Variants in RBBP4 observed in about 807,000 individuals in gnomAD.
The protein encoded by RBBP4 is histone-binding protein RBBP4.
A neutral mutation model predicts 57.2 loss-of-function variants in RBBP4; 3 were observed. The observed-to-expected ratio is 0.05, with a 90% CI of 0.02 to 0.14. The LOEUF (loss-of-function observed/expected upper bound fraction) is 0.14, where lower values mean the gene tolerates loss of function less well. RBBP4 is among the 10% of genes least tolerant of loss of function. The probability of loss-of-function intolerance (pLI) is 1.00; values close to 1 mark genes in which losing one functional copy is unlikely to be tolerated. For synonymous variants in RBBP4, 151 were observed against 171.5 expected (o/e 0.88, Z 0.93); for missense variants, 107 against 520.6 (o/e 0.21, Z 7.73).
intron 8 of RBBP4, among the ~76,000 whole-genome samples, chr1:32,670,814 C>G (rs183629065): frequency 6.6e-6 from 1 of 152,276 alleles, no homozygotes; most frequent in African/African-American, 2.4e-5. Context: ...TGTTATGAAC[C>G]TGAGGGTGGT....
At chr1:32,654,526 C>T (rs1648049327) in intron 2 of RBBP4, among the ~76,000 whole-genome samples, 3 of 152,128 alleles carry the variant, frequency 2.0e-5, no homozygotes. Flanking sequence ...ATTCTAGAAC[C>T]CCTACTTTTC....
At chr1:32,664,084 G>A (rs919923689) in intron 3 of RBBP4, among the ~76,000 whole-genome samples, 5 of 151,778 alleles carry the variant, frequency 3.3e-5, no homozygotes, top group Non-Finnish European at 7.4e-5. Flanking sequence ...CCGCCACCAC[G>A]CCCGGCTAAT....
At chr1:32,676,492 C>T (rs1649105785) in intron 11 of RBBP4, among the ~76,000 whole-genome samples, 1 of 151,994 alleles carries the variant, frequency 6.6e-6, no homozygotes, top group Non-Finnish European at 1.5e-5. Flanking sequence ...CGCCTGTAAT[C>T]CCAGCTACTT....
At chr1:32,677,480 A>AAAG (rs1553196767) in intron 11 of RBBP4, among the ~76,000 whole-genome samples, 1 of 121,736 alleles carries the variant, frequency 8.2e-6, no homozygotes, top group Admixed American at 9.9e-5. Context: ...TAAAAAAAAA[A>AAAG]ACAAAACAAA....
At position 32,684,283 on chromosome 1, in the gene RBBP4, G is replaced by T; in HGVS notation, c.*4578G>T. The T allele has an allele frequency of 6.2e-7, 1 of 1,614,208 alleles. No individual in the cohort carries two copies. The highest frequency in any genetic ancestry group is 8.5e-7 in the Non-Finnish European group (1 of 1,180,040). ...TTATAAGTAGAGAGCTCTTCAGCAA[G>T]ACTGAGCCTTAGCTGTTCCATCTCT... is the stretch of plus-strand genomic sequence containing the variant. On this transcript the variant is annotated 3_prime_UTR_variant, in exon 12 of 12. Coordinates refer to ENST00000373493, the MANE Select transcript of RBBP4 (RefSeq NM_005610.3).
At chr1:32,677,554 T>G (rs1212792690) in intron 11 of RBBP4, among the ~76,000 whole-genome samples, 2 of 151,998 alleles carry the variant, frequency 1.3e-5, no homozygotes, top group Non-Finnish European at 2.9e-5. Flanking sequence ...TCCATCAAAT[T>G]ATCAGACCTG....
At chr1:32,653,973 C>T (rs1648026926) in intron 2 of RBBP4, among the ~76,000 whole-genome samples, 1 of 152,010 alleles carries the variant, frequency 6.6e-6, no homozygotes, top group Non-Finnish European at 1.5e-5. Context: ...GCTTCTTTAT[C>T]ATGACCAGGA....
rs769306288 is a variant in RBBP4 at position 32,669,106 on chromosome 1, A to G, written c.735A>G (p.Ser245=). ...TACTCCATGAGTCTCTGTTTGGGTC[A>G]GTTGCTGATGATCAGAAACTTATGA... is the stretch of plus-strand genomic sequence containing the variant. The part of the protein sequence containing the change: ...WHLLHESLFG[S]VADDQKLMIW... The change falls in exon 6 of 12, where the codon TCA becomes TCG. Residue 245 remains serine, a synonymous_variant. Transcript: ENST00000373493. The surrounding 1 kb of genome is among the most constrained non-coding windows in gnomAD (Gnocchi z 4.9). The G allele has an allele frequency of 5.0e-6, 8 of 1,614,092 alleles. No homozygotes were observed. The highest frequency in any genetic ancestry group is 1.7e-5 in the Admixed American group (1 of 59,994).
Position 32,684,222 on chromosome 1 carries a change from G to A in RBBP4, c.*4517G>A. 1 of 1,613,582 alleles carries A rather than the reference G, an allele frequency of 6.2e-7. No homozygotes were observed. The highest frequency in any genetic ancestry group is 1.1e-5 in the South Asian group (1 of 91,066). ...AGCCCTCCCACCATCCCCTCAGCCA[G>A]TATTAGATGAGATTTGTATAGCAGC... is the stretch of plus-strand genomic sequence containing the variant. On this transcript the variant is annotated 3_prime_UTR_variant, in exon 12 of 12. Transcript: ENST00000373493.
At position 32,657,702 on chromosome 1, in the gene RBBP4, G is replaced by A. The variant is rs1446400507; in HGVS notation, c.310+130G>A. On this transcript the variant is annotated intron_variant, in intron 3 of 11. Transcript: ENST00000373493. ...GGAAAGCCTGAGTTTGCAATGGTAG[G>A]TATTTATATTTATATTAGAGTTTTA... is the stretch of plus-strand genomic sequence containing the variant. 1.1e-5 allele frequency: 11 copies of A among 1,032,724 alleles called. No individual in the cohort carries two copies. In the South Asian group the frequency reaches 1.6e-4, roughly 15 times the overall value. 64.0% of individuals were successfully genotyped at this position (1,032,724 alleles called of 1,614,324 possible). A position where few individuals can be genotyped will look rare whatever the true frequency, so the allele number is the denominator to read the frequency against.
In RBBP4 at chr1:32,669,194, T is replaced by G; in HGVS notation, c.762-37T>G. The G allele has an allele frequency of 1.9e-6, 3 of 1,610,492 alleles. No individual in the cohort carries two copies. The highest frequency in any genetic ancestry group is 2.7e-5 in the African/African-American group (2 of 74,680). On this transcript the variant is annotated intron_variant, in intron 6 of 11. Transcript: ENST00000373493. The surrounding 1 kb of genome is among the most constrained non-coding windows in gnomAD (Gnocchi z 4.9). The stretch of plus-strand genomic sequence containing the variant: ...TCTAAGTTTTATGTTTAGTCACCAT[T>G]TCAAGGTTTTTTTCCTTTGTTTTTT...
chr1:32,657,103 C>T (rs1391121415), intron 2 of RBBP4, among the ~76,000 whole-genome samples: 6 of 152,030 alleles, frequency 3.9e-5, no homozygotes, highest in Non-Finnish European at 8.8e-5. Context: ...TGGTGAAATC[C>T]CGTCTCTACT....
In RBBP4 at chr1:32,681,960, A is replaced by G; in HGVS notation, c.*2255A>G. The G allele has an allele frequency of 9.2e-7, 1 of 1,088,452 alleles. No homozygotes were observed. Among genetic ancestry groups the G allele is most frequent in the Middle Eastern group, 2.3e-4 (1 of 4,272 alleles). The allele number at this position is 1,088,452 out of a possible 1,614,324, so 67.4% of individuals were successfully genotyped here. A position where few individuals can be genotyped will look rare whatever the true frequency, so the allele number is the denominator to read the frequency against. On this transcript the variant is annotated 3_prime_UTR_variant, in exon 12 of 12. Coordinates refer to ENST00000373493, the MANE Select transcript of RBBP4 (RefSeq NM_005610.3). ...ATTGTTACAGTGTGATTTATGGATG[A>G]TCAGGGATGACTTTCCCCTAGCAAA...
rs1296011877 is a variant in RBBP4, at chr1:32,681,272, T to A, written c.*1567T>A. 1 of 152,682 alleles carries A rather than the reference T, an allele frequency of 6.5e-6. No homozygotes were observed. The highest frequency in any genetic ancestry group is 1.9e-4 in the East Asian group (1 of 5,216). 9.5% of individuals were successfully genotyped at this position (152,682 alleles called of 1,614,324 possible). On this transcript the variant is annotated 3_prime_UTR_variant, in exon 12 of 12. Transcript: ENST00000373493. ...TGGTTTCTTTTCAAGTCTAGTTGTT[T>A]TAGAGTATAGTGAGAAATACCTTGA...
chr1:32,656,417 G>A (rs970749099), intron 2 of RBBP4, among the ~76,000 whole-genome samples: 2 of 151,844 alleles, frequency 1.3e-5, no homozygotes, highest in African/African-American at 2.4e-5. Context: ...CAGTGGCACC[G>A]TCTTGGCTCA....
rs1410650855 is a variant in RBBP4 at position 32,682,011 on chromosome 1, A to G, written c.*2306A>G. 3.0e-6 allele frequency: 2 copies of G among 665,188 alleles called. No homozygotes were observed. The highest frequency in any genetic ancestry group is 2.5e-5 in the Admixed American group (1 of 39,624). 41.2% of individuals were successfully genotyped at this position (665,188 alleles called of 1,614,324 possible). Reference sequence around the variant, plus strand: ...TATTTGGATGCCTCCTGTTTGTCAAATAGAATGAATGGTGATGGTGATGGG... The same window carrying G: ...TATTTGGATGCCTCCTGTTTGTCAAGTAGAATGAATGGTGATGGTGATGGG... On this transcript the variant is annotated 3_prime_UTR_variant, in exon 12 of 12. Transcript: ENST00000373493.
intron 2 of RBBP4, among the ~76,000 whole-genome samples, chr1:32,656,710 C>A (rs1298629191): frequency 6.6e-6 from 1 of 152,040 alleles, no homozygotes; most frequent in East Asian, 1.9e-4. Context: ...ACTTCCATCG[C>A]GTTTGGAGCG....
At chr1:32,666,815 A>G (rs1006274982) in intron 3 of RBBP4, among the ~76,000 whole-genome samples, 1 of 152,222 alleles carries the variant, frequency 6.6e-6, no homozygotes, top group Non-Finnish European at 1.5e-5. Flanking sequence ...GATCATGGAC[A>G]TTATCAATCA....
At chr1:32,666,267 T>A (rs1320407842) in intron 3 of RBBP4, among the ~76,000 whole-genome samples, 1 of 152,220 alleles carries the variant, frequency 6.6e-6, no homozygotes, top group Non-Finnish European at 1.5e-5. Flanking sequence ...GGCACTTTAG[T>A]GTTTAGCACA....
Sources: gnomAD v4.1 joint callset for allele counts (sites outside exome capture counted in the v4.1 genomes callset) on GRCh38, gnomAD v4.1.1 for gene constraint, Gnocchi (gnomAD v3.1) non-coding constraint, MANE v1.5 for transcripts, NCBI Gene and HGNC (gene_info 2026-07-23, HGNC 2026-07-21) for gene names.